Variants in NOVA2 observed in about 807,000 individuals in gnomAD.
The protein encoded by NOVA2 is RNA-binding protein Nova-2.
A neutral mutation model predicts 22.5 loss-of-function variants in NOVA2; 9 were observed. The ratio of observed to expected loss-of-function variants is 0.40; its 90% CI spans 0.24 to 0.70. NOVA2 has a LOEUF of 0.70. Among genes scored for constraint, NOVA2 ranks in the 30% least tolerant of loss-of-function variants. The probability of loss-of-function intolerance (pLI) is 0.38; values close to 1 mark genes in which losing one functional copy is unlikely to be tolerated. For synonymous variants in NOVA2, 318 were observed against 335.2 expected (o/e 0.95, Z 0.56); for missense variants, 383 against 682.8 (o/e 0.56, Z 4.89).
chr19:45,951,720 C>A (rs1967929086), intron 3 of NOVA2, among the ~76,000 whole-genome samples: 1 of 152,126 alleles, frequency 6.6e-6, no homozygotes, highest in Non-Finnish European at 1.5e-5. Context: ...TCGCTTGAGC[C>A]TGGGATGTCG....
intron 1 of NOVA2, among the ~76,000 whole-genome samples, chr19:45,964,225 G>C (rs1169529675): frequency 1.5e-5 from 2 of 136,932 alleles, no homozygotes; most frequent in Non-Finnish European, 3.1e-5. Context: ...TGTCACCCAG[G>C]CTGCAGTGCA....
At position 45,936,850 on chromosome 19, in the gene NOVA2, A is replaced by T. The variant is rs1967660702; in HGVS notation, c.*3013T>A. On this transcript the variant is annotated 3_prime_UTR_variant, in exon 4 of 4. Coordinates refer to ENST00000263257, the MANE Select transcript of NOVA2 (RefSeq NM_002516.4). ...CTGAAGAGAAGGGTGCAAGGAGGCC[A>T]CTCAGAGACTCTGAGATCGGATTGG... The T allele has an allele frequency of 6.6e-6, 1 of 152,086 alleles. No individual in the cohort carries two copies. Among genetic ancestry groups the T allele is most frequent in the Non-Finnish European group, 1.5e-5 (1 of 68,024 alleles). The allele number at this position is 152,086 out of a possible 1,614,324, so 9.4% of individuals were successfully genotyped here.
Position 45,940,661 on chromosome 19 carries a change from G to T in NOVA2, c.681C>A (p.Thr227=). The change falls in exon 4 of 4, where the codon ACC becomes ACA. Residue 227 remains threonine (T), a synonymous_variant. Coordinates refer to ENST00000263257, the MANE Select transcript of NOVA2 (RefSeq NM_002516.4). The stretch of plus-strand genomic sequence containing the variant: ...CCGCGGGGCTGGCGTACGGAGAGCC[G>T]GTGGGGTTGGAGTTGGCCACGGGGC... ...VAGPVANSNP[T]GSPYASPADV... 1 of 1,579,670 alleles carries T rather than the reference G, an allele frequency of 6.3e-7. No individual in the cohort carries two copies.
In NOVA2 at chr19:45,933,763, A is replaced by G. The variant is rs899501855; in HGVS notation, c.*6100T>C. The G allele has an allele frequency of 3.5e-5, 5 of 144,790 alleles. No individual in the cohort carries two copies. Among genetic ancestry groups the G allele is most frequent in the African/African-American group, 1.3e-4 (5 of 39,580 alleles). 9.0% of individuals were successfully genotyped at this position (144,790 alleles called of 1,614,324 possible). A position where few individuals can be genotyped will look rare whatever the true frequency, so the allele number is the denominator to read the frequency against. On this transcript the variant is annotated 3_prime_UTR_variant, in exon 4 of 4. Transcript: ENST00000263257. ...GAGATGGCGTTTATCGCGGCAAAAA[A>G]AGGTGAAGTCGCCGAGGGGAAAGGG...
intron 2 of NOVA2, among the ~76,000 whole-genome samples, chr19:45,958,345 C>G (rs950590261): frequency 6.6e-6 from 1 of 150,868 alleles, no homozygotes; most frequent in African/African-American, 2.4e-5. Context: ...GTAGTAGACA[C>G]CCAAGTGCTG....
intron 2 of NOVA2, 134 bp downstream of exon 2, chr19:45,960,876 G>A (rs1238378222): frequency 2.2e-6 from 2 of 916,754 alleles, no homozygotes; most frequent in Non-Finnish European, 3.2e-6. Flanking sequence ...GTCCCCTTAG[G>A]GGAAGGGGAG....
intron 3 of NOVA2, among the ~76,000 whole-genome samples, chr19:45,947,689 G>A (rs1395915118): frequency 1.3e-5 from 2 of 152,000 alleles, no homozygotes; most frequent in Non-Finnish European, 2.9e-5. Context: ...AGCCAGGCTC[G>A]TTTTGAACTC....
chr19:45,936,759 G>A lies in NOVA2; in HGVS notation c.*3104C>T, dbSNP rs1252073885. The A allele has an allele frequency of 6.6e-6, 1 of 152,132 alleles. No individual in the cohort carries two copies. The highest frequency in any genetic ancestry group is 2.4e-5 in the African/African-American group (1 of 41,384). The allele number at this position is 152,132 out of a possible 1,614,324, so 9.4% of individuals were successfully genotyped here. A position where few individuals can be genotyped will look rare whatever the true frequency, so the allele number is the denominator to read the frequency against. Reference sequence around the variant, plus strand: ...CTTGGAGAAGGTATGGGAAGCTAGAGGGCAAATGAGAAGGAATAGGGAGAT... The same window carrying A: ...CTTGGAGAAGGTATGGGAAGCTAGAAGGCAAATGAGAAGGAATAGGGAGAT... On this transcript the variant is annotated 3_prime_UTR_variant, in exon 4 of 4. Transcript: ENST00000263257.
At chr19:45,959,278 G>A (rs573302235) in intron 2 of NOVA2, among the ~76,000 whole-genome samples, 2 of 152,100 alleles carry the variant, frequency 1.3e-5, no homozygotes, top group African/African-American at 2.4e-5. Flanking sequence ...GGCTCATGCT[G>A]TATGATCTGG....
chr19:45,953,244 C>A (rs917331048), intron 3 of NOVA2, among the ~76,000 whole-genome samples: 3 of 152,202 alleles, frequency 2.0e-5, no homozygotes, highest in Admixed American at 6.5e-5. Context: ...AACGGAGGGG[C>A]GCTGCCTTCC....
chr19:45,952,052 G>C (rs1406663179), intron 3 of NOVA2, among the ~76,000 whole-genome samples: 2 of 152,040 alleles, frequency 1.3e-5, no homozygotes, highest in Non-Finnish European at 2.9e-5. Flanking sequence ...TCCCTGGTTT[G>C]GCCCAGCTGC....
At chr19:45,941,565 A>G (rs1234793917) in intron 3 of NOVA2, among the ~76,000 whole-genome samples, 1 of 151,852 alleles carries the variant, frequency 6.6e-6, no homozygotes, top group Non-Finnish European at 1.5e-5. Flanking sequence ...TGGCCTTTTG[A>G]TATGCACCAG....
intron 3 of NOVA2, among the ~76,000 whole-genome samples, chr19:45,951,762 A>C (rs1263146547): frequency 6.6e-6 from 1 of 152,120 alleles, no homozygotes; most frequent in Non-Finnish European, 1.5e-5. Flanking sequence ...ATACCACTGC[A>C]CTCCAGCCTG....
At chr19:45,972,406 G>A (rs1968244309) in intron 1 of NOVA2, among the ~76,000 whole-genome samples, 4 of 151,938 alleles carry the variant, frequency 2.6e-5, no homozygotes, top group Admixed American at 2.0e-4. Context: ...TGATCTACAC[G>A]GCCTCTTCTG....
intron 3 of NOVA2, among the ~76,000 whole-genome samples, chr19:45,951,403 G>A (rs1967922816): frequency 6.6e-6 from 1 of 152,062 alleles, no homozygotes; most frequent in Non-Finnish European, 1.5e-5. Flanking sequence ...GATCACCTGA[G>A]GTCAGGAATT....
At chr19:45,950,499 T>C (rs1780066489) in intron 3 of NOVA2, among the ~76,000 whole-genome samples, 2 of 152,194 alleles carry the variant, frequency 1.3e-5, no homozygotes, top group Admixed American at 6.5e-5. Flanking sequence ...TGATGCCCAG[T>C]GCCTGGCACA....
chr19:45,968,639 T>C (rs745757665), intron 1 of NOVA2, among the ~76,000 whole-genome samples: 14 of 152,062 alleles, frequency 9.2e-5, no homozygotes, highest in Non-Finnish European at 1.5e-4. Context: ...GCACTTACCA[T>C]CTACCAGCCT....
chr19:45,956,924 G>C (rs1446922227), intron 2 of NOVA2, among the ~76,000 whole-genome samples: 3 of 152,196 alleles, frequency 2.0e-5, no homozygotes, highest in Non-Finnish European at 4.4e-5. Flanking sequence ...TCTGGCTTCA[G>C]AGTCTGTGCA....
intron 3 of NOVA2, among the ~76,000 whole-genome samples, chr19:45,951,187 G>A (rs950730083): frequency 6.6e-6 from 1 of 152,172 alleles, no homozygotes; most frequent in Non-Finnish European, 1.5e-5. Context: ...TGTTTTAAAA[G>A]CAGAGTTGGC....
Sources: allele counts gnomAD v4.1 joint callset (sites outside exome capture counted in the v4.1 genomes callset), GRCh38; gene constraint gnomAD v4.1.1; transcripts MANE v1.5; gene names NCBI Gene and HGNC (gene_info 2026-07-23, HGNC 2026-07-21).